The following RTP2 variants were observed in gnomAD, a reference collection of about 807,000 sequenced individuals.
The protein encoded by RTP2 is receptor transporter protein 2.
In RTP2, 12 loss-of-function variants were observed where a neutral mutation model predicts 17.9. The observed-to-expected ratio is 0.67, with a 90% confidence interval of 0.43 to 1.09. The LOEUF (loss-of-function observed/expected upper bound fraction) is 1.09, where lower values mean the gene tolerates loss of function less well. Among genes scored for constraint, RTP2 ranks in the 50% least tolerant of loss-of-function variants. The probability of loss-of-function intolerance (pLI) is 0.00; values close to 1 mark genes in which losing one functional copy is unlikely to be tolerated. For missense variants in RTP2, 327 were observed against 295.7 expected, an observed-to-expected ratio of 1.11 and a Z score of -0.78; for synonymous variants, 126 against 117.7, an observed-to-expected ratio of 1.07 and a Z score of -0.46.
exon 1 of RTP2, chr3:187,702,461 G>T: frequency 2.1e-6 from 1 of 487,080 alleles, no homozygotes; most frequent in South Asian, 1.5e-5. Flanking sequence ...ATTTCCAGAG[G>T]TCTCCAGGAG....
upstream of RTP2, among the ~76,000 whole-genome samples, chr3:187,706,565 C>A (rs1278420632): frequency 6.6e-6 from 1 of 152,146 alleles, no homozygotes; most frequent in Non-Finnish European, 1.5e-5. Context: ...CATGAAGAAC[C>A]AATGCATGCC....
At chr3:187,700,690 T>C (rs1478221119) in intron 1 of RTP2, among the ~76,000 whole-genome samples, 2 of 152,232 alleles carry the variant, frequency 1.3e-5, no homozygotes, top group Non-Finnish European at 2.9e-5. Context: ...ATATCAGATC[T>C]GGGGGCAGGC....
upstream of RTP2, among the ~76,000 whole-genome samples, chr3:187,705,890 A>G (rs1173685195): frequency 6.6e-6 from 1 of 152,224 alleles, no homozygotes; most frequent in Non-Finnish European, 1.5e-5. Context: ...TTCTTATCCA[A>G]AAATCAAGAT....
chr3:187,711,072 C>G, the RTP2 span, among the ~76,000 whole-genome samples: 1 of 152,012 alleles, frequency 6.6e-6, no homozygotes, highest in African/African-American at 2.4e-5. Flanking sequence ...GCCACCCCTT[C>G]TGCTGTTTCT....
At chr3:187,699,540 C>T (rs1421472665) in intron 1 of RTP2, among the ~76,000 whole-genome samples, 1 of 152,106 alleles carries the variant, frequency 6.6e-6, no homozygotes, top group African/African-American at 2.4e-5. Flanking sequence ...CCTCAGTAAA[C>T]CACTGAGAAT....
At position 187,699,827 on chromosome 3, in the gene RTP2, G is replaced by A. The variant is rs116363028; in HGVS notation, c.165-816C>T. ...CTTACATGCACAGAGGCCACTTGGC[G>A]TAACCTGGGCTTTCTAGAGTCCCAG... On this transcript the variant is annotated intron_variant, in intron 1 of 1. Coordinates refer to ENST00000358241, the Ensembl canonical transcript of RTP2. Among the ~76,000 whole-genome samples the A allele has an allele frequency of 1.9e-3, 280 of 151,130 alleles. 4 individuals carry two copies. The highest frequency in any genetic ancestry group is 6.0e-3 in the African/African-American group (248 of 41,088).
At chr3:187,713,784 G>A in the RTP2 span, among the ~76,000 whole-genome samples, 2 of 152,158 alleles carry the variant, frequency 1.3e-5, no homozygotes, top group Non-Finnish European at 2.9e-5. Context: ...CAGGAGGGGT[G>A]GGGGGAGCAA....
chr3:187,714,307 G>A, the RTP2 span, among the ~76,000 whole-genome samples: 1 of 151,912 alleles, frequency 6.6e-6, no homozygotes, highest in Non-Finnish European at 1.5e-5. Flanking sequence ...TTACCTTTTC[G>A]AGAAGAGCTG....
chr3:187,705,552 T>C (rs1189886873), upstream of RTP2, among the ~76,000 whole-genome samples: 1 of 152,202 alleles, frequency 6.6e-6, no homozygotes, highest in Non-Finnish European at 1.5e-5. Flanking sequence ...TCCAGGGCTT[T>C]CCAGGAGACA....
At position 187,702,361 on chromosome 3, in the gene RTP2, G is replaced by C. The variant is rs1386917297; in HGVS notation, c.-233C>G. 3 of 560,950 alleles carry C rather than the reference G, an allele frequency of 5.3e-6. No homozygotes were observed. The African/African-American group carries it at 5.6e-5, about 10-fold the overall frequency. 34.7% of individuals were successfully genotyped at this position (560,950 alleles called of 1,614,324 possible). A position where few individuals can be genotyped will look rare whatever the true frequency, so the allele number is the denominator to read the frequency against. On this transcript the variant is annotated 5_prime_UTR_variant, in exon 1 of 2. Coordinates refer to ENST00000358241, the Ensembl canonical transcript of RTP2. ...GGGAAGCCCCAAGGGGGAGTTTCAG[G>C]GCCCTGAGTTAGGCTTCAGAGGCAG...
At chr3:187,711,560 T>C in the RTP2 span, among the ~76,000 whole-genome samples, 4 of 152,246 alleles carry the variant, frequency 2.6e-5, no homozygotes, top group African/African-American at 7.2e-5. Context: ...CACCAATCCA[T>C]TGAAGTTTTC....
At position 187,698,617 on chromosome 3, in the gene RTP2, TC is replaced by T; in HGVS notation, c.558del (p.Arg187GlyfsTer44). ...TTGTAGCCGGATCCCGCCTGGGCCCTCGGCTTGGAGGCTTCAGAGGTGTAGG... is the reference window on the plus strand; with the variant it reads ...TTGTAGCCGGATCCCGCCTGGGCCCTGGCTTGGAGGCTTCAGAGGTGTAGG... On this transcript the variant is annotated frameshift_variant, in exon 2 of 2. Coordinates refer to ENST00000358241, the Ensembl canonical transcript of RTP2. LOFTEE classifies it high-confidence loss of function. The T allele has an allele frequency of 6.2e-7, 1 of 1,614,168 alleles. No individual in the cohort carries two copies. The highest frequency in any genetic ancestry group is 8.5e-7 in the Non-Finnish European group (1 of 1,180,016).
At chr3:187,709,260 G>A in the RTP2 span, among the ~76,000 whole-genome samples, 43 of 152,286 alleles carry the variant, frequency 2.8e-4, no homozygotes, top group African/African-American at 9.9e-4. Flanking sequence ...CAAGTTTGGT[G>A]CACAATGGCT....
upstream of RTP2, among the ~76,000 whole-genome samples, chr3:187,705,049 T>C (rs1560138475): frequency 6.6e-6 from 1 of 152,198 alleles, no homozygotes; most frequent in South Asian, 2.1e-4. Flanking sequence ...TAAGAGTGAC[T>C]ATATCTACTT....
At chr3:187,701,663 T>C (rs892218187) in intron 1 of RTP2, among the ~76,000 whole-genome samples, 1 of 152,202 alleles carries the variant, frequency 6.6e-6, no homozygotes, top group Non-Finnish European at 1.5e-5. Flanking sequence ...CTTCCTTCAG[T>C]TCCAACTCAC....
exon 1 of RTP2, chr3:187,702,191 A>G (rs1249221195): frequency 8.0e-6 from 12 of 1,504,088 alleles, no homozygotes; most frequent in African/African-American, 5.5e-5. Flanking sequence ...AAGAGCACGG[A>G]TAGGTACGGG....
At chr3:187,705,128 C>A (rs1717959249), upstream of RTP2, among the ~76,000 whole-genome samples, 1 of 150,378 alleles carries the variant, frequency 6.6e-6, no homozygotes, top group Non-Finnish European at 1.5e-5. Context: ...GATGTAAATA[C>A]ATAAAAAGAC....
chr3:187,715,586 G>A, the RTP2 span: 5 of 454,186 alleles, frequency 1.1e-5, no homozygotes, highest in Non-Finnish European at 2.2e-5. Context: ...GAATTTCTTT[G>A]CTTAATGTCA....
In RTP2 at chr3:187,699,758, CACACACACACACACACACACACACATAT is replaced by C. The variant is rs1225622555; in HGVS notation, c.165-775_165-748del. Among the ~76,000 whole-genome samples the C allele has an allele frequency of 5.7e-4, 36 of 62,848 alleles. No homozygotes were observed. In the Admixed American group the frequency reaches 5.8e-3, roughly 10 times the overall value. 41.2% of individuals were successfully genotyped at this position (62,848 alleles called of 152,430 possible). On this transcript the variant is annotated intron_variant, in intron 1 of 1. Coordinates refer to ENST00000358241, the Ensembl canonical transcript of RTP2. ...ACACACACACACACACACACACACA[CACACACACACACACACACACACACATAT>C]ATTTTCTCTCTCTCTCTTACATGCA...
Sources: allele counts gnomAD v4.1 joint callset (sites outside exome capture counted in the v4.1 genomes callset), GRCh38; gene constraint gnomAD v4.1.1; transcripts MANE v1.5; gene names NCBI Gene and HGNC (gene_info 2026-07-23, HGNC 2026-07-21).